Variants in ADGRA1 observed in about 807,000 individuals in gnomAD.
The protein encoded by ADGRA1 is G-protein coupled receptor 123.
In ADGRA1, 12 loss-of-function variants were observed where a neutral mutation model predicts 21.3. The ratio of observed to expected loss-of-function variants is 0.56; its 90% CI spans 0.36 to 0.91. The LOEUF (loss-of-function observed/expected upper bound fraction) is 0.91, where lower values mean the gene tolerates loss of function less well. ADGRA1 is among the 40% of genes least tolerant of loss of function. The pLI, the probability that ADGRA1 is intolerant of heterozygous loss-of-function variation, is 0.01. For missense variants in ADGRA1, 790 were observed against 805.6 expected (o/e 0.98, Z 0.23); for synonymous variants, 385 against 368.8 (o/e 1.04, Z -0.50).
intron 2 of ADGRA1, among the ~76,000 whole-genome samples, chr10:133,096,220 GC>G (rs900204703): frequency 9.9e-5 from 15 of 152,144 alleles, no homozygotes; most frequent in African/African-American, 3.4e-4. Flanking sequence ...TGCCCCTGAA[GC>G]CCCCTCCCCA....
chr10:133,094,501 C>T (rs1293328676), intron 2 of ADGRA1, among the ~76,000 whole-genome samples: 2 of 152,168 alleles, frequency 1.3e-5, no homozygotes, highest in East Asian at 1.9e-4. Context: ...GAAGGCGCGG[C>T]GGCCACAGCA....
intron 5 of ADGRA1, among the ~76,000 whole-genome samples, chr10:133,124,958 G>A (rs892750340): frequency 1.2e-4 from 19 of 152,248 alleles, no homozygotes; most frequent in African/African-American, 3.1e-4. Flanking sequence ...GCCCGGAGCC[G>A]GTGGTGCGCC....
At chr10:133,111,172 GCCGTGAGCA>G (rs1851987870) in intron 5 of ADGRA1, among the ~76,000 whole-genome samples, 1 of 23,742 alleles carries the variant, frequency 4.2e-5, no homozygotes, top group Non-Finnish European at 7.2e-5. Context: ...CCACCTGCCC[GCCGTGAGCA>G]CCTCCCTCCT....
rs1852437901 is a variant in ADGRA1, at chr10:133,128,719, CCTGGGACT to C, written c.894_901del (p.Gly299ArgfsTer10). 3 of 1,612,064 alleles carry C rather than the reference CCTGGGACT, an allele frequency of 1.9e-6. No individual in the cohort carries two copies. The highest frequency in any genetic ancestry group is 2.5e-6 in the Non-Finnish European group (3 of 1,179,634). ...GCCTGTACGGCGCCTTCTGCGTGAC[CCTGGGACT>C]CTTCGTGCTCATCCACCACTGCGCC... On this transcript the variant is annotated frameshift_variant, in exon 7 of 7. Transcript: ENST00000392607. LOFTEE classifies it low-confidence loss of function (END_TRUNC).
chr10:133,096,822 C>T (rs773836747), intron 2 of ADGRA1, 152 bp from the exon 3 acceptor site: 1 of 956,362 alleles, frequency 1.0e-6, no homozygotes, highest in Non-Finnish European at 1.5e-6. Context: ...CTGACCGTAC[C>T]TCCCCAGGCA....
At chr10:133,101,835 A>C (rs988616868) in intron 4 of ADGRA1, among the ~76,000 whole-genome samples, 4 of 152,110 alleles carry the variant, frequency 2.6e-5, no homozygotes, top group African/African-American at 9.7e-5. Context: ...GCGCACAGGG[A>C]TCTCACCTGA....
In ADGRA1 at chr10:133,109,392, CT is replaced by C. The variant is rs1298012079; in HGVS notation, c.401+6555del. Among the ~76,000 whole-genome samples, 3 of 152,102 alleles carry C rather than the reference CT, an allele frequency of 2.0e-5. No individual in the cohort carries two copies. The East Asian group carries it at 5.8e-4, about 29-fold the overall frequency. ...CTGCCACCTCCACACCACCTGGATA[CT>C]TTTTCTCCCCAGCTGGAAGCCTGAC... On this transcript the variant is annotated intron_variant, in intron 5 of 6. Coordinates refer to ENST00000392607, the MANE Select transcript of ADGRA1 (RefSeq NM_001083909.3).
intron 5 of ADGRA1, among the ~76,000 whole-genome samples, chr10:133,117,272 C>A (rs930319470): frequency 1.3e-5 from 2 of 152,244 alleles, no homozygotes; most frequent in Non-Finnish European, 2.9e-5. Flanking sequence ...GAGCCCACCC[C>A]TGCCCACTGC....
Position 133,128,486 on chromosome 10 carries a change from C to T in ADGRA1, c.658C>T (p.Arg220Trp), listed in dbSNP as rs1430068082. ...GCGCACACAGCCCGAGGAGCAGCGGCGGCTGGCGACACCCGAGGGCGGCCG... is the reference window on the plus strand; with the variant it reads ...GCGCACACAGCCCGAGGAGCAGCGGTGGCTGGCGACACCCGAGGGCGGCCG... ...ELRTQPEEQR[R>W]LATPEGGRGI... Residue 220 changes from arginine to tryptophan, a missense_variant, in exon 7 of 7, where the codon CGG (arginine) becomes TGG (tryptophan). Around this residue, in one of 3 missense-constraint regions of ADGRA1, gnomAD observed 382 missense variants for 415.6 expected, o/e 0.92. Transcript: ENST00000392607. 16 of 1,563,076 alleles carry T rather than the reference C, an allele frequency of 1.0e-5. No individual in the cohort carries two copies. Among genetic ancestry groups the T allele is most frequent in the Middle Eastern group, 1.7e-4 (1 of 5,764 alleles).
chr10:133,123,199 G>A (rs926167366), intron 5 of ADGRA1, among the ~76,000 whole-genome samples: 5 of 151,998 alleles, frequency 3.3e-5, no homozygotes, highest in African/African-American at 4.8e-5. Context: ...GTCCCTCTGC[G>A]CCCGTCCCTC....
chr10:133,103,163 G>A (rs1440182674), intron 5 of ADGRA1, among the ~76,000 whole-genome samples: 7 of 152,154 alleles, frequency 4.6e-5, no homozygotes, highest in African/African-American at 1.7e-4. Context: ...GCTGGAGCCC[G>A]GCTGCTCTGG....
intron 5 of ADGRA1, among the ~76,000 whole-genome samples, chr10:133,111,927 C>CACCACGGGCACCTCCCTCCTAAT (rs1564849614): frequency 4.8e-5 from 2 of 41,772 alleles, no homozygotes; most frequent in African/African-American, 1.1e-4. Context: ...ACCACCTGCC[C>CACCACGGGCACCTCCCTCCTAAT]GCCGTGAGCA....
chr10:133,095,675 C>T (rs762939435), intron 2 of ADGRA1: 21 of 1,597,046 alleles, frequency 1.3e-5, no homozygotes, highest in Non-Finnish European at 1.8e-5. Flanking sequence ...ACGGTGGACA[C>T]TCTCTAGCCA....
chr10:133,112,744 C>CCGTGTCGGTTATTTGAGGTCTGT (rs1852075842), intron 5 of ADGRA1, among the ~76,000 whole-genome samples: 5 of 64,970 alleles, frequency 7.7e-5, no homozygotes, highest in African/African-American at 2.5e-4. Flanking sequence ...TTGAGGTCTG[C>CCGTGTCGGTTATTTGAGGTCTGT]GGGCCGCGTC....
At chr10:133,106,069 C>T (rs1243509154) in intron 5 of ADGRA1, among the ~76,000 whole-genome samples, 3 of 152,204 alleles carry the variant, frequency 2.0e-5, no homozygotes, top group Admixed American at 1.3e-4. Context: ...TCTCCCACCC[C>T]GGTTAGGAGG....
intron 5 of ADGRA1, among the ~76,000 whole-genome samples, chr10:133,124,666 G>A (rs1014971534): frequency 1.3e-5 from 2 of 152,254 alleles, no homozygotes; most frequent in African/African-American, 4.8e-5. Flanking sequence ...AGGAGGACAA[G>A]CTGGACCCCT....
chr10:133,102,375 T>C (rs1216553855), intron 4 of ADGRA1: 1 of 523,742 alleles, frequency 1.9e-6, no homozygotes, highest in East Asian at 4.9e-5. Context: ...CAGCTCACAG[T>C]GTCCGTGCCT....
intron 4 of ADGRA1, 71 bp from the exon 5 acceptor site, chr10:133,102,626 C>T (rs373966969): frequency 3.1e-5 from 47 of 1,525,310 alleles, no homozygotes; most frequent in East Asian, 9.4e-5. Context: ...GTTGCAAGCC[C>T]GGGCCGAGGC....
At chr10:133,110,762 A>G (rs937806590) in intron 5 of ADGRA1, among the ~76,000 whole-genome samples, 2 of 152,202 alleles carry the variant, frequency 1.3e-5, no homozygotes, top group Non-Finnish European at 2.9e-5. Context: ...TGCTTCCTCT[A>G]TACCCATATC....
Sources: allele counts gnomAD v4.1 joint callset (sites outside exome capture counted in the v4.1 genomes callset), GRCh38; gene constraint gnomAD v4.1.1; regional missense constraint gnomAD v4.1.1; transcripts MANE v1.5; gene names NCBI Gene and HGNC (gene_info 2026-07-23, HGNC 2026-07-21).